XPO5: variants seen among roughly 807,000 people sequenced by gnomAD.
XPO5 encodes the protein exportin 5, also known as exportin-5.
Under a neutral mutation model 160.6 loss-of-function variants are expected in XPO5, and 46 were observed. The observed-to-expected ratio is 0.29, with a 90% confidence interval of 0.23 to 0.37. The LOEUF is 0.37. Among genes scored for constraint, XPO5 ranks in the 10% least tolerant of loss-of-function variants. The pLI, the probability that XPO5 is intolerant of heterozygous loss-of-function variation, is 1.00. For synonymous variants in XPO5, 537 were observed against 519.3 expected (o/e 1.03, Z -0.46); for missense variants, 1,090 against 1,463.9 (o/e 0.74, Z 4.17).
At chr6:43,537,232 A>G (rs924056708) in intron 20 of XPO5, among the ~76,000 whole-genome samples, 1 of 148,394 alleles carries the variant, frequency 6.7e-6, no homozygotes, top group African/African-American at 2.5e-5. Flanking sequence ...CTGGCCTCCC[A>G]AAGTGCTGAA....
At chr6:43,525,032 C>G (rs1036427409) in intron 29 of XPO5, 64 bp from the exon 30 acceptor site, 2 of 1,589,554 alleles carry the variant, frequency 1.3e-6, no homozygotes, top group Non-Finnish European at 1.7e-6. Context: ...CACCCCAGTT[C>G]TTCTGAATGA....
At position 43,523,904 on chromosome 6, in the gene XPO5, A is replaced by G; in HGVS notation, c.3579T>C (p.Asn1193=). ...AGATGGTGGCCAGGCCACCCCCATC[A>G]TTGTCCAGCACCTCCGTCTCCAGCA... ...KPMLETEVLD[N]DGGGLATIFE... is the part of the protein sequence containing the mutation. The change falls in exon 32 of 32, where the codon AAT becomes AAC. Residue 1193 remains asparagine, a synonymous_variant. Coordinates refer to ENST00000265351, the MANE Select transcript of XPO5 (RefSeq NM_020750.3). 1.2e-6 allele frequency: 2 copies of G among 1,614,044 alleles called. No individual in the cohort carries two copies. Among genetic ancestry groups the G allele is most frequent in the Non-Finnish European group, 1.7e-6 (2 of 1,179,902 alleles).
At chr6:43,530,949 A>G (rs1038263314) in intron 22 of XPO5, 125 bp from the exon 23 acceptor site, 10 of 1,204,336 alleles carry the variant, frequency 8.3e-6, no homozygotes, top group Non-Finnish European at 1.1e-5. Flanking sequence ...AGTTGTATTT[A>G]CTTAAGAGAA....
At position 43,575,748 on chromosome 6, in the gene XPO5, G is replaced by C; in HGVS notation, c.105+12C>G. ...TGTCGGGACCGGCCCAGGACGCCAGGACCCCAGCTACCTTGAGGGCTTCCA... is the reference window on the plus strand; with the variant it reads ...TGTCGGGACCGGCCCAGGACGCCAGCACCCCAGCTACCTTGAGGGCTTCCA... On this transcript the variant is annotated intron_variant, in intron 1 of 31. Transcript: ENST00000265351. The C allele has an allele frequency of 6.2e-7, 1 of 1,607,078 alleles. No homozygotes were observed. Among genetic ancestry groups the C allele is most frequent in the Non-Finnish European group, 8.5e-7 (1 of 1,175,620 alleles).
intron 20 of XPO5, among the ~76,000 whole-genome samples, chr6:43,537,122 A>C (rs1582208729): frequency 6.8e-6 from 1 of 147,652 alleles, no homozygotes; most frequent in Non-Finnish European, 1.5e-5. Context: ...GTGCACCACC[A>C]CACGTGAATA....
At chr6:43,547,524 C>T (rs1795017246) in intron 19 of XPO5, 84 bp downstream of exon 19, 1 of 1,321,528 alleles carries the variant, frequency 7.6e-7, no homozygotes, top group Non-Finnish European at 1.1e-6. Context: ...ATAGAAAAAA[C>T]AAATCTATGA....
rs370191269 is a variant in XPO5 at position 43,570,988 on chromosome 6, A to G, written c.307T>C (p.Leu103=). ...SVMELIANGT[L]NILEEENHIK... Reference sequence around the variant, plus strand: ...TGGTTCTCCTCTTCCAAAATGTTCAATGTTCCCTGAAAAAGAACAAGAGAT... The same window carrying G: ...TGGTTCTCCTCTTCCAAAATGTTCAGTGTTCCCTGAAAAAGAACAAGAGAT... The change falls in exon 4 of 32, where the codon TTG becomes CTG. Residue 103 remains leucine, a synonymous_variant. Transcript: ENST00000265351. 7 of 1,609,240 alleles carry G rather than the reference A, an allele frequency of 4.3e-6. No homozygotes were observed. The highest frequency in any genetic ancestry group is 1.7e-5 in the Admixed American group (1 of 58,566).
chr6:43,540,495 T>C (rs778343611), intron 20 of XPO5, among the ~76,000 whole-genome samples: 1 of 150,220 alleles, frequency 6.7e-6, no homozygotes, highest in Admixed American at 6.6e-5. Context: ...AATAAATAAA[T>C]AAACAAAATT....
intron 16 of XPO5, 98 bp from the exon 17 acceptor site, chr6:43,549,676 A>G: frequency 7.0e-7 from 1 of 1,420,158 alleles, no homozygotes. Flanking sequence ...GCAAATTCAC[A>G]ATGATTTTTC....
chr6:43,562,391 C>T, intron 8 of XPO5, 45 bp from the exon 9 acceptor site: 1 of 1,412,346 alleles, frequency 7.1e-7, no homozygotes, highest in Non-Finnish European at 9.8e-7. Flanking sequence ...ATTAAAAAGG[C>T]TGTAATAAAA....
intron 8 of XPO5, among the ~76,000 whole-genome samples, chr6:43,564,008 C>T (rs776341852): frequency 5.3e-5 from 8 of 152,064 alleles, no homozygotes; most frequent in African/African-American, 1.2e-4. Flanking sequence ...CTGCAACTTT[C>T]GCCTCCCAGG....
intron 20 of XPO5, among the ~76,000 whole-genome samples, chr6:43,543,586 G>T (rs905066508): frequency 4.6e-5 from 7 of 151,594 alleles, no homozygotes; most frequent in African/African-American, 1.2e-4. Flanking sequence ...ACATGAATGT[G>T]TCCACTTTGT....
rs1225523501 is a variant in XPO5 at position 43,534,625 on chromosome 6, G to A, written c.2343-618C>T. Among the ~76,000 whole-genome samples, 6 of 152,250 alleles carry A rather than the reference G, an allele frequency of 3.9e-5. No individual in the cohort carries two copies. The East Asian group carries it at 1.2e-3, about 29-fold the overall frequency. On this transcript the variant is annotated intron_variant, in intron 20 of 31. Coordinates refer to ENST00000265351, the MANE Select transcript of XPO5 (RefSeq NM_020750.3). ...AATGACCCCACTGAACAAACTGATG[G>A]CTACACGTTTAAGATGCAAACTGAA... is the stretch of plus-strand genomic sequence containing the variant.
intron 12 of XPO5, 90 bp from the exon 13 acceptor site, chr6:43,556,054 A>G: frequency 6.6e-7 from 1 of 1,508,054 alleles, no homozygotes. Context: ...ACCCTAGGGG[A>G]AAAGCATTCA....
intron 3 of XPO5, 137 bp from the exon 4 acceptor site, chr6:43,571,131 T>G (rs1288496346): frequency 1.2e-6 from 1 of 862,484 alleles, no homozygotes; most frequent in Non-Finnish European, 1.8e-6. Flanking sequence ...AACCTGTTCT[T>G]CAGCCTGAGT....
At chr6:43,568,775 CA>C in intron 5 of XPO5, 38 bp from the exon 6 acceptor site, 2 of 1,524,500 alleles carry the variant, frequency 1.3e-6, no homozygotes, top group South Asian at 1.3e-5. Flanking sequence ...TTTTAATGAG[CA>C]AAAGGCCACA....
chr6:43,539,376 T>C (rs1794554457), intron 20 of XPO5: 2 of 1,579,606 alleles, frequency 1.3e-6, no homozygotes, highest in African/African-American at 1.3e-5. Flanking sequence ...TGCACTGGCA[T>C]AATCTTCAAA....
intron 11 of XPO5, among the ~76,000 whole-genome samples, chr6:43,559,894 CA>C (rs1432279769): frequency 6.6e-6 from 1 of 152,134 alleles, no homozygotes; most frequent in Non-Finnish European, 1.5e-5. Context: ...CAGCTCAATG[CA>C]GCTTCAACTT....
In XPO5 at chr6:43,523,999, A is replaced by G. The variant is rs1793368941; in HGVS notation, c.3484T>C (p.Leu1162=). Residue 1162 remains leucine, a synonymous_variant, in exon 32 of 32, where the codon TTG becomes CTG. Transcript: ENST00000265351. ...ACTTCTTTTCGGAACTGCTCTCCCA[A>G]GGGTTTCTGTGGAAAACAAATGAGA... ...RLIAGCIGKP[L]GEQFRKEVHI... 1 of 1,612,912 alleles carries G rather than the reference A, an allele frequency of 6.2e-7. No individual in the cohort carries two copies. The highest frequency in any genetic ancestry group is 1.7e-5 in the Admixed American group (1 of 60,016).
Sources: allele counts gnomAD v4.1 joint callset (sites outside exome capture counted in the v4.1 genomes callset), GRCh38; gene constraint gnomAD v4.1.1; transcripts MANE v1.5; gene names NCBI Gene and HGNC (gene_info 2026-07-23, HGNC 2026-07-21).